Variants in DST observed in about 807,000 individuals in gnomAD.
DST encodes the protein bullous pemphigoid antigen.
DST carries 253 observed loss-of-function variants against 875.2 expected under a neutral mutation model. That is an observed-to-expected ratio of 0.29 (90% confidence interval 0.26 to 0.32). The LOEUF (loss-of-function observed/expected upper bound fraction) is 0.32, where lower values mean the gene tolerates loss of function less well. DST is among the 10% of genes least tolerant of loss of function. The pLI is 1.00. For missense variants in DST, 8,287 were observed against 9,111.6 expected, an observed-to-expected ratio of 0.91 and a Z score of 3.68; for synonymous variants, 3,124 against 3,197.1, an observed-to-expected ratio of 0.98 and a Z score of 0.77.
intron 5 of DST, among the ~76,000 whole-genome samples, chr6:56,716,161 A>C (rs1286961194): frequency 6.6e-6 from 1 of 152,238 alleles, no homozygotes; most frequent in Non-Finnish European, 1.5e-5. Context: ...TCAAATTTCA[A>C]GACTGAATAA....
chr6:56,894,954 C>A (rs1400036340), intron 3 of DST, among the ~76,000 whole-genome samples: 2 of 93,944 alleles, frequency 2.1e-5, no homozygotes, highest in Non-Finnish European at 4.1e-5. Context: ...CCTCACCTCC[C>A]GGACGGGGCG....
chr6:56,906,811 G>A (rs887455142), intron 2 of DST, among the ~76,000 whole-genome samples: 3 of 152,008 alleles, frequency 2.0e-5, no homozygotes, highest in African/African-American at 7.2e-5. Context: ...GCAAGACAAC[G>A]AACCCCGGGT....
At chr6:56,880,943 GTTCATGCCA>G (rs946049490) in intron 3 of DST, among the ~76,000 whole-genome samples, 53 of 138,636 alleles carry the variant, frequency 3.8e-4, no homozygotes, top group African/African-American at 1.4e-3. Flanking sequence ...CGCCTCCTGG[GTTCATGCCA>G]TTCTCCTGGC....
intron 9 of DST, among the ~76,000 whole-genome samples, chr6:56,689,994 T>G (rs781316258): frequency 6.6e-6 from 1 of 152,180 alleles, no homozygotes; most frequent in African/African-American, 2.4e-5. Context: ...AACACTAAGT[T>G]CATTACTCCT....
chr6:56,793,067 T>TAAA (rs2099731610), intron 4 of DST, among the ~76,000 whole-genome samples: 1 of 24,218 alleles, frequency 4.1e-5, no homozygotes, highest in Non-Finnish European at 8.0e-5. Flanking sequence ...AGACCCTGTC[T>TAAA]CAAAAAAAAA....
chr6:56,702,015 C>A (rs1264758002), intron 7 of DST, 50 bp from the exon 8 acceptor site: 2 of 1,065,020 alleles, frequency 1.9e-6, no homozygotes, highest in African/African-American at 3.2e-5. Flanking sequence ...TTATCACAGA[C>A]CATGCTAATT....
In DST at chr6:56,535,149, C is replaced by T. The variant is rs777955085; in HGVS notation, c.16914G>A (p.Val5638=). The change falls in exon 63 of 104, where the codon GTG becomes GTA. Residue 5638 remains valine (V), a synonymous_variant. Coordinates refer to ENST00000680361, the MANE Select transcript of DST (RefSeq NM_001374736.1). ...TTTGTTCTTGTATCTGGGCCTTTAC[C>T]ACTTTGAACTCAGCCGACGGGGGCT... ...NQKPPSAEFK[V]VKAQIQEQKL... is the part of the protein sequence containing the mutation. 1.5e-5 allele frequency: 24 copies of T among 1,613,540 alleles called. No homozygotes were observed. Among genetic ancestry groups the T allele is most frequent in the Non-Finnish European group, 3.4e-6 (4 of 1,179,794 alleles).
intron 9 of DST, among the ~76,000 whole-genome samples, chr6:56,679,938 C>T (rs547041535): frequency 9.9e-5 from 15 of 152,268 alleles, no homozygotes; most frequent in Admixed American, 6.5e-4. Flanking sequence ...TCCCATATGA[C>T]CTCCTTTTCT....
chr6:56,588,573 T>TA (rs1563011426), intron 49 of DST, among the ~76,000 whole-genome samples: 1 of 152,208 alleles, frequency 6.6e-6, no homozygotes, highest in African/African-American at 2.4e-5. Context: ...AGTGCCTAGA[T>TA]CAGTGCTTGA....
chr6:56,513,480 T>G (rs2096525232), intron 72 of DST, among the ~76,000 whole-genome samples: 1 of 152,190 alleles, frequency 6.6e-6, no homozygotes, highest in Non-Finnish European at 1.5e-5. Context: ...TCCACCTGCC[T>G]CGGCCTCCCA....
chr6:56,713,367 A>T (rs187664456), intron 5 of DST, among the ~76,000 whole-genome samples: 167 of 152,300 alleles, frequency 1.1e-3, no homozygotes, highest in Non-Finnish European at 1.6e-3. Flanking sequence ...TTGTCAAATG[A>T]GCTATAGGTT....
At chr6:56,468,444 C>T (rs941633040) in intron 98 of DST, among the ~76,000 whole-genome samples, 3 of 152,114 alleles carry the variant, frequency 2.0e-5, no homozygotes, top group African/African-American at 7.2e-5. Context: ...CTCAGAGATG[C>T]CAAGCCCCAA....
intron 4 of DST, among the ~76,000 whole-genome samples, chr6:56,757,791 G>C (rs544345192): frequency 6.6e-6 from 1 of 152,128 alleles, no homozygotes; most frequent in Non-Finnish European, 1.5e-5. Context: ...AAGTCTGCAG[G>C]AACAAGAAGT....
Position 56,618,730 on chromosome 6 carries a change from A to G in DST, c.4930-4246T>C, listed in dbSNP as rs375931704. ...GCCTAATGCCTGAAATATCATTTTC[A>G]GTGATGACTTTGGACTCCATTAATT... is the stretch of plus-strand genomic sequence containing the variant. On this transcript the variant is annotated intron_variant, in intron 36 of 103. Coordinates refer to ENST00000680361, the MANE Select transcript of DST (RefSeq NM_001374736.1). 3.8e-5 allele frequency: 61 copies of G among 1,614,038 alleles called. No individual in the cohort carries two copies. The African/African-American group carries it at 7.7e-4, about 20-fold the overall frequency.
chr6:56,904,112 C>T (rs1181590125), intron 2 of DST, among the ~76,000 whole-genome samples: 22 of 152,162 alleles, frequency 1.4e-4, no homozygotes, highest in Admixed American at 1.4e-3. Flanking sequence ...CGTAGTAGTA[C>T]AGAAACATTC....
intron 4 of DST, among the ~76,000 whole-genome samples, chr6:56,797,101 C>A (rs549750628): frequency 6.6e-6 from 1 of 152,288 alleles, no homozygotes; most frequent in South Asian, 2.1e-4. Flanking sequence ...GTAATTCTCA[C>A]AATATTCAAA....
At chr6:56,649,172 T>G (rs2098960565) in intron 12 of DST, among the ~76,000 whole-genome samples, 1 of 152,092 alleles carries the variant, frequency 6.6e-6, no homozygotes, top group African/African-American at 2.4e-5. Flanking sequence ...CTACAGGAAA[T>G]GTATATGGTG....
At position 56,504,053 on chromosome 6, in the gene DST, T is replaced by C. The variant is rs779698595; in HGVS notation, c.19510A>G (p.Met6504Val). ...VDIAGGKLAS[M>V]SPIGTDLETV... is the part of the protein sequence containing the mutation. Reference sequence around the variant, plus strand: ...TCGAGATCTGTTCCAATTGGAGACATTGAAGCTAATTTACCACCTGCAATA... The same window carrying C: ...TCGAGATCTGTTCCAATTGGAGACACTGAAGCTAATTTACCACCTGCAATA... Residue 6504 changes from methionine (M) to valine (V), a missense_variant, in exon 78 of 104, where the codon ATG becomes GTG. Physicochemically the swap from Met to Val is conservative, Grantham distance 21 (BLOSUM62 1). Around this residue, in one of 10 missense-constraint regions of DST, gnomAD observed 1,292 missense variants for 1,552.7 expected, o/e 0.83. Coordinates refer to ENST00000680361, the MANE Select transcript of DST (RefSeq NM_001374736.1). The C allele has an allele frequency of 2.0e-5, 32 of 1,609,446 alleles. No individual in the cohort carries two copies. The highest frequency in any genetic ancestry group is 2.3e-5 in the Non-Finnish European group (27 of 1,178,002).
intron 3 of DST, among the ~76,000 whole-genome samples, chr6:56,886,013 A>C (rs1462934783): frequency 1.3e-5 from 2 of 152,218 alleles, no homozygotes; most frequent in Non-Finnish European, 2.9e-5. Context: ...GTGGAGGAGC[A>C]GCATGGGCTT....
Sources: allele counts gnomAD v4.1 joint callset (sites outside exome capture counted in the v4.1 genomes callset), GRCh38; gene constraint gnomAD v4.1.1; regional missense constraint gnomAD v4.1.1; transcripts MANE v1.5; gene names NCBI Gene and HGNC (gene_info 2026-07-23, HGNC 2026-07-21).